Variants in DPP10 observed in about 807,000 individuals in gnomAD.
DPP10 encodes the protein inactive dipeptidyl peptidase 10.
Under a neutral mutation model 120.9 loss-of-function variants are expected in DPP10, and 33 were observed. The ratio of observed to expected loss-of-function variants is 0.27; its 90% CI spans 0.21 to 0.37. DPP10 has a LOEUF of 0.37. Among genes scored for constraint, DPP10 ranks in the 10% least tolerant of loss-of-function variants. The pLI is 1.00. For synonymous variants in DPP10, 337 were observed against 326.1 expected (o/e 1.03, Z -0.36); for missense variants, 816 against 942.8 (o/e 0.87, Z 1.76).
rs1325543058 is a variant in DPP10, at chr2:115,484,888, A to C, written c.272-14622A>C. On this transcript the variant is annotated intron_variant, in intron 3 of 25. Coordinates refer to ENST00000410059, the MANE Select transcript of DPP10 (RefSeq NM_020868.6). ...AAATGGTAACAATGACTTATCTATC[A>C]ATTCTTAGCTGATCATCCTTCTTCT... Among the ~76,000 whole-genome samples, 3 of 152,226 alleles carry C rather than the reference A, an allele frequency of 2.0e-5. No individual in the cohort carries two copies. The East Asian group carries it at 5.8e-4, about 29-fold the overall frequency.
intron 1 of DPP10, among the ~76,000 whole-genome samples, chr2:114,911,754 C>T (rs1313037082): frequency 3.9e-5 from 6 of 152,104 alleles, no homozygotes. Context: ...GCTTTGGGGC[C>T]ATAGGAGGTA....
intron 1 of DPP10, among the ~76,000 whole-genome samples, chr2:114,525,709 C>T (rs933547277): frequency 2.6e-5 from 4 of 152,154 alleles, no homozygotes; most frequent in African/African-American, 9.7e-5. Context: ...TGTTTCTCAC[C>T]TGTAAAATGA....
rs577706036 is a variant in DPP10 at position 114,615,842 on chromosome 2, T to C, written c.60+173004T>C. On this transcript the variant is annotated intron_variant, in intron 1 of 25. Transcript: ENST00000410059. ...TAATCCATTCCACATTTATTGGGCA[T>C]TTCCTATGTTCTAACAATTGTGCTG... Among the ~76,000 whole-genome samples the C allele has an allele frequency of 1.6e-4, 25 of 152,284 alleles. No individual in the cohort carries two copies. In the South Asian group the frequency reaches 5.0e-3, roughly 30 times the overall value.
intron 1 of DPP10, among the ~76,000 whole-genome samples, chr2:115,171,815 T>A (rs1373648620): frequency 6.6e-6 from 1 of 152,176 alleles, no homozygotes; most frequent in Admixed American, 6.5e-5. Flanking sequence ...GATGTGCTAG[T>A]TCTAGGTCAG....
intron 5 of DPP10, among the ~76,000 whole-genome samples, chr2:115,548,354 C>G (rs1350031017): frequency 6.6e-6 from 1 of 152,064 alleles, no homozygotes; most frequent in Non-Finnish European, 1.5e-5. Context: ...TCAAGTAACT[C>G]GAGTCCAGCA....
chr2:115,300,298 C>T (rs894687289), intron 1 of DPP10, among the ~76,000 whole-genome samples: 2 of 152,060 alleles, frequency 1.3e-5, no homozygotes, highest in African/African-American at 2.4e-5. Flanking sequence ...ACTCGACGCA[C>T]GTCGTTTAAG....
chr2:115,777,095 T>G, intron 13 of DPP10, 113 bp from the exon 14 acceptor site: 1 of 862,488 alleles, frequency 1.2e-6, no homozygotes. Context: ...GAAAACTGAG[T>G]GTTAACTGAG....
intron 1 of DPP10, among the ~76,000 whole-genome samples, chr2:114,469,232 AAATGT>A (rs1231513014): frequency 6.6e-6 from 1 of 152,222 alleles, no homozygotes; most frequent in Non-Finnish European, 1.5e-5. Context: ...ACTTCATGGC[AAATGT>A]AGGATGGGTA....
intron 1 of DPP10, among the ~76,000 whole-genome samples, chr2:115,308,314 T>C (rs780219881): frequency 2.1e-4 from 32 of 152,116 alleles, no homozygotes; most frequent in Non-Finnish European, 2.4e-4. Context: ...GTTTCATTTA[T>C]CACCAAATCT....
chr2:114,674,636 C>T (rs1305349091), intron 1 of DPP10, among the ~76,000 whole-genome samples: 4 of 152,024 alleles, frequency 2.6e-5, no homozygotes, highest in Middle Eastern at 6.9e-3. Context: ...CAATGATGAC[C>T]CCATCCTGGC....
At chr2:115,334,230 G>GTTTTTTTTTTGTTTTTTTTTTTTTTGT (rs2062970638) in intron 2 of DPP10, among the ~76,000 whole-genome samples, 5 of 56,412 alleles carry the variant, frequency 8.9e-5, no homozygotes, top group Non-Finnish European at 1.2e-4. Context: ...AGCAGACTCT[G>GTTTTTTTTTTGTTTTTTTTTTTTTTGT]TTTTTTTTTT....
intron 1 of DPP10, among the ~76,000 whole-genome samples, chr2:114,608,496 T>C (rs1693012598): frequency 6.6e-6 from 1 of 152,166 alleles, no homozygotes; most frequent in Non-Finnish European, 1.5e-5. Context: ...CTATCATATT[T>C]ATATGAATTA....
intron 1 of DPP10, among the ~76,000 whole-genome samples, chr2:114,655,497 T>C (rs577078643): frequency 2.0e-5 from 3 of 152,194 alleles, no homozygotes; most frequent in Non-Finnish European, 4.4e-5. Flanking sequence ...AGAAATGAGA[T>C]TAATCCTTCC....
intron 1 of DPP10, among the ~76,000 whole-genome samples, chr2:115,007,545 C>T (rs1360806838): frequency 6.7e-6 from 1 of 149,550 alleles, no homozygotes; most frequent in Non-Finnish European, 1.5e-5. Context: ...CTCACCACTC[C>T]TATTCAACAT....
At chr2:115,041,105 C>G (rs901330100) in intron 1 of DPP10, among the ~76,000 whole-genome samples, 2 of 106,512 alleles carry the variant, frequency 1.9e-5, no homozygotes, top group Admixed American at 1.1e-4. Context: ...GGCGACAGAG[C>G]CTAGCTCAAA....
intron 1 of DPP10, among the ~76,000 whole-genome samples, chr2:115,263,446 G>A (rs1000975755): frequency 1.3e-5 from 2 of 152,060 alleles, no homozygotes; most frequent in Non-Finnish European, 2.9e-5. Flanking sequence ...GACCATTAAT[G>A]GTATATTTAG....
intron 21 of DPP10, among the ~76,000 whole-genome samples, chr2:115,828,809 T>G (rs940753379): frequency 3.0e-4 from 45 of 152,188 alleles, no homozygotes; most frequent in Non-Finnish European, 6.2e-4. Flanking sequence ...TTGTAAACTT[T>G]TAAATAAAAT....
At chr2:114,708,380 T>C (rs1256522307) in intron 1 of DPP10, among the ~76,000 whole-genome samples, 1 of 152,172 alleles carries the variant, frequency 6.6e-6, no homozygotes, top group East Asian at 1.9e-4. Context: ...TTTCTCCTTA[T>C]GTCAGGACAC....
chr2:114,869,856 G>A (rs1690547307), intron 1 of DPP10, among the ~76,000 whole-genome samples: 2 of 152,166 alleles, frequency 1.3e-5, no homozygotes, highest in Non-Finnish European at 2.9e-5. Context: ...CTGAACGCAT[G>A]CTTTTCAGTG....
Sources: gnomAD v4.1 joint callset for allele counts (sites outside exome capture counted in the v4.1 genomes callset) on GRCh38, gnomAD v4.1.1 for gene constraint, MANE v1.5 for transcripts, NCBI Gene and HGNC (gene_info 2026-07-23, HGNC 2026-07-21) for gene names.